DRC7: variants seen among roughly 807,000 people sequenced by gnomAD.
The protein encoded by DRC7 is dynein regulatory complex subunit 7.
In DRC7, 80 loss-of-function variants were observed where a neutral mutation model predicts 104.4. The ratio of observed to expected loss-of-function variants is 0.77; its 90% CI spans 0.64 to 0.92. The LOEUF (loss-of-function observed/expected upper bound fraction) is 0.92, where lower values mean the gene tolerates loss of function less well. DRC7 is among the 40% of genes least tolerant of loss of function. DRC7 has a pLI of 0.00. For synonymous variants in DRC7, 405 were observed against 447.3 expected (o/e 0.91, Z 1.19); for missense variants, 1,034 against 1,141.1 (o/e 0.91, Z 1.35).
rs190151983 is a variant in DRC7 at position 57,728,659 on chromosome 16, C to T, written c.2391+75C>T. 5.9e-3 allele frequency: 7,460 copies of T among 1,259,398 alleles called. 37 individuals carry two copies. The highest frequency in any genetic ancestry group is 7.0e-3 in the Non-Finnish European group (6,492 of 923,452). 78.0% of individuals were successfully genotyped at this position (1,259,398 alleles called of 1,614,324 possible). On this transcript the variant is annotated intron_variant, in intron 17 of 18. Transcript: ENST00000360716. ...CAGGAAATGGGCCCACGGCTGTCCG[C>T]CCACTACCTCACAGGCTTGTGAGGG...
rs143854478 is a variant in DRC7, at chr16:57,731,227, G to C, written c.2594G>C (p.Arg865Pro). 7.4e-6 allele frequency: 12 copies of C among 1,613,634 alleles called. No individual in the cohort carries two copies. The East Asian group carries it at 2.7e-4, about 36-fold the overall frequency. ...GAGGAAAAGCTCTACAAGGACCCAC[G>C]CCTGGGGGAGCTCCAGAAAATATTC... is the stretch of plus-strand genomic sequence containing the variant. ...ALEEKLYKDP[R>P]LGELQKIFA Residue 865 changes from arginine to proline, a missense_variant, in exon 19 of 19, where the codon CGC becomes CCC. Transcript: ENST00000360716.
chr16:57,724,848 G>C lies in DRC7; in HGVS notation c.1758+13G>C, dbSNP rs753366478. The stretch of plus-strand genomic sequence containing the variant: ...CCGGCCCATTGTGGTAAGAGCTCGC[G>C]GGGGCTGGGGACAGGTCGCCCTCCT... On this transcript the variant is annotated intron_variant, in intron 13 of 18. Coordinates refer to ENST00000360716, the MANE Select transcript of DRC7 (RefSeq NM_001289162.2). 1 of 1,602,296 alleles carries C rather than the reference G, an allele frequency of 6.2e-7. No individual in the cohort carries two copies. Among genetic ancestry groups the C allele is most frequent in the Non-Finnish European group, 8.5e-7 (1 of 1,172,982 alleles).
Position 57,698,154 on chromosome 16 carries a change from T to A in DRC7, c.203+2T>A. On this transcript the variant is annotated splice_donor_variant, in intron 3 of 18. Transcript: ENST00000360716. LOFTEE classifies it high-confidence loss of function. ...GATCACTGTCTCAGCGGAGCTCCCG[T>A]GAGTGTGGCAGGGTGGGGGCCCTGG... 6.2e-7 allele frequency: 1 copy of A among 1,613,790 alleles called. No homozygotes were observed. The highest frequency in any genetic ancestry group is 8.5e-7 in the Non-Finnish European group (1 of 1,179,946).
At chr16:57,730,550 G>A (rs1209094217) in intron 17 of DRC7, among the ~76,000 whole-genome samples, 2 of 152,030 alleles carry the variant, frequency 1.3e-5, no homozygotes, top group Non-Finnish European at 2.9e-5. Flanking sequence ...TAGTTCCCGT[G>A]CACTACTAAG....
chr16:57,703,585 G>A (rs1291496351), intron 6 of DRC7, among the ~76,000 whole-genome samples: 1 of 152,150 alleles, frequency 6.6e-6, no homozygotes, highest in Non-Finnish European at 1.5e-5. Context: ...GACAGAAGGG[G>A]AAGCACAAGA....
rs375270837 is a variant in DRC7, at chr16:57,705,519, T to C, written c.858+485T>C. Among the ~76,000 whole-genome samples, 90 of 143,662 alleles carry C rather than the reference T, an allele frequency of 6.3e-4. 3 individuals are homozygous for C. In the South Asian group the frequency reaches 0.021, roughly 33 times the overall value. 94.2% of individuals were successfully genotyped at this position (143,662 alleles called of 152,430 possible). ...ATCCTCCTACCCAACCTTCCATCCATCCATCCTCCCATCCACCCATCCTCC... is the reference window on the plus strand; with the variant it reads ...ATCCTCCTACCCAACCTTCCATCCACCCATCCTCCCATCCACCCATCCTCC... On this transcript the variant is annotated intron_variant, in intron 7 of 18. Transcript: ENST00000360716.
chr16:57,720,690 T>C (rs1327455088), intron 9 of DRC7, among the ~76,000 whole-genome samples: 2 of 152,202 alleles, frequency 1.3e-5, no homozygotes, highest in African/African-American at 4.8e-5. Flanking sequence ...TCTTAGAGAT[T>C]TTTGACAATA....
At chr16:57,697,819 C>A in intron 2 of DRC7, 94 bp from the exon 3 acceptor site, 1 of 1,420,170 alleles carries the variant, frequency 7.0e-7, no homozygotes, top group Non-Finnish European at 9.4e-7. Context: ...TCCTCAAAAC[C>A]ATCTCCCAGG....
rs1251667518 is a variant in DRC7 at position 57,721,733 on chromosome 16, C to T, written c.1273C>T (p.Pro425Ser). Residue 425 changes from proline to serine, a missense_variant, in exon 10 of 19, where the codon CCG becomes TCG. Coordinates refer to ENST00000360716, the MANE Select transcript of DRC7 (RefSeq NM_001289162.2). ...GTGGGTGGAGCAGATTGAGATCTCC[C>T]CGGAAGGTATTTTCTATTTGTGTAT... ...HSWVEQIEIS[P>S]EAFETRCPNG... 6.2e-7 allele frequency: 1 copy of T among 1,612,896 alleles called. No individual in the cohort carries two copies. The highest frequency in any genetic ancestry group is 1.1e-5 in the South Asian group (1 of 91,060).
At position 57,697,929 on chromosome 16, in the gene DRC7, G is replaced by A. The variant is rs2048613814; in HGVS notation, c.-21G>A. 6.2e-7 allele frequency: 1 copy of A among 1,606,962 alleles called. No individual in the cohort carries two copies. The highest frequency in any genetic ancestry group is 8.5e-7 in the Non-Finnish European group (1 of 1,176,700). On this transcript the variant is annotated 5_prime_UTR_variant, in exon 3 of 19. Transcript: ENST00000360716. The stretch of plus-strand genomic sequence containing the variant: ...TCCCCACAGAGACATTCCATCTCCA[G>A]ACACCCAGAGACGCTCCAGAATGGA...
intron 8 of DRC7, among the ~76,000 whole-genome samples, chr16:57,716,083 G>T (rs1334189462): frequency 6.6e-6 from 1 of 152,238 alleles, no homozygotes; most frequent in Non-Finnish European, 1.5e-5. Context: ...TGGGCACATG[G>T]ATGTGGCTGT....
At chr16:57,710,337 C>T (rs1457110553) in intron 8 of DRC7, among the ~76,000 whole-genome samples, 12 of 152,134 alleles carry the variant, frequency 7.9e-5, no homozygotes, top group African/African-American at 2.9e-4. Context: ...AATAGAAATG[C>T]AGTTGATTTT....
intron 8 of DRC7, among the ~76,000 whole-genome samples, chr16:57,710,768 TTATC>T (rs1392869827): frequency 6.6e-6 from 1 of 152,222 alleles, no homozygotes; most frequent in Admixed American, 6.5e-5. Context: ...CTTTTTTAGT[TTATC>T]TACATGGTAA....
rs1035915328 is a variant in DRC7 at position 57,721,545 on chromosome 16, C to A, written c.1207-122C>A. 20 of 704,822 alleles carry A rather than the reference C, an allele frequency of 2.8e-5. No individual in the cohort carries two copies. The African/African-American group carries it at 3.6e-4, about 13-fold the overall frequency. 43.7% of individuals were successfully genotyped at this position (704,822 alleles called of 1,614,324 possible). A position where few individuals can be genotyped will look rare whatever the true frequency, so the allele number is the denominator to read the frequency against. The stretch of plus-strand genomic sequence containing the variant: ...GGGTCGTGCTCATGACCTCCAGTTC[C>A]CCTGCGGAAGCCAACGGACCACCTT... On this transcript the variant is annotated intron_variant, in intron 9 of 18. Transcript: ENST00000360716.
Position 57,724,762 on chromosome 16 carries a change from G to A in DRC7, c.1685G>A (p.Arg562His), listed in dbSNP as rs1211640046. Residue 562 changes from arginine to histidine, a missense_variant, in exon 13 of 19, where the codon CGC (arginine) becomes CAC (histidine). Transcript: ENST00000360716. ...GGACGCCCAGACTTCCTCTCCTACC[G>A]CCATGCCAGCTTCGGACCCCGAGTC... ...YQGRPDFLSY[R>H]HASFGPRVKK... is the part of the protein sequence containing the mutation. 22 of 1,613,640 alleles carry A rather than the reference G, an allele frequency of 1.4e-5. No homozygotes were observed. The highest frequency in any genetic ancestry group is 1.6e-4 in the Middle Eastern group (1 of 6,084).
intron 7 of DRC7, 99 bp downstream of exon 7, chr16:57,705,133 AC>A: frequency 9.8e-6 from 13 of 1,322,978 alleles, no homozygotes; most frequent in Admixed American, 2.6e-5. Flanking sequence ...GTGTGTATGG[AC>A]CCCCCAACTA....
rs2148782482 is a variant in DRC7 at position 57,731,474 on chromosome 16, C to T, written c.*216C>T. 7 of 578,484 alleles carry T rather than the reference C, an allele frequency of 1.2e-5. No homozygotes were observed. The East Asian group carries it at 2.0e-4, about 17-fold the overall frequency. The allele number at this position is 578,484 out of a possible 1,614,324, so 35.8% of individuals were successfully genotyped here. On this transcript the variant is annotated 3_prime_UTR_variant, in exon 19 of 19. Coordinates refer to ENST00000360716, the MANE Select transcript of DRC7 (RefSeq NM_001289162.2). The stretch of plus-strand genomic sequence containing the variant: ...TTTGCCATTTGTGCCTTGCGCTTCA[C>T]AAGCTCCAGCAGCAGCCTTTCTCTT...
At chr16:57,717,027 G>A (rs144616786) in intron 8 of DRC7, among the ~76,000 whole-genome samples, 39 of 151,666 alleles carry the variant, frequency 2.6e-4, no homozygotes, top group African/African-American at 8.0e-4. Flanking sequence ...CTGTGGTGGC[G>A]AGCACTTGTA....
intron 8 of DRC7, chr16:57,714,402 CT>C (rs2048819609): frequency 6.2e-6 from 1 of 160,334 alleles, no homozygotes; most frequent in Admixed American, 6.5e-5. Context: ...GAGAGGATCG[CT>C]TGAGCTCAGG....
Sources: gnomAD v4.1 joint callset for allele counts (sites outside exome capture counted in the v4.1 genomes callset) on GRCh38, gnomAD v4.1.1 for gene constraint, MANE v1.5 for transcripts, NCBI Gene and HGNC (gene_info 2026-07-23, HGNC 2026-07-21) for gene names.